Variants in CAPRIN2 observed in about 807,000 individuals in gnomAD.
The protein encoded by CAPRIN2 is caprin family member 2.
A neutral mutation model predicts 130.4 loss-of-function variants in CAPRIN2; 66 were observed. The observed-to-expected ratio is 0.51, with a 90% CI of 0.42 to 0.62. CAPRIN2 has a LOEUF of 0.62. CAPRIN2 is among the 20% of genes least tolerant of loss of function. CAPRIN2 has a pLI of 0.00. For missense variants in CAPRIN2, 1,185 were observed against 1,246.6 expected, an observed-to-expected ratio of 0.95 and a Z score of 0.74; for synonymous variants, 471 against 444.1, an observed-to-expected ratio of 1.06 and a Z score of -0.76.
chr12:30,710,212 T>C lies in CAPRIN2; in HGVS notation c.2924A>G (p.Asn975Ser). ...CTGAAGATCAAAAGTTTCTCCTAAG[T>C]TGTTCAGAAGAAGATCAAACACAAT... Residue 975 changes from asparagine to serine, a missense_variant, in exon 17 of 17, where the codon AAC becomes AGC. This residue lies in a region of CAPRIN2 where 81 missense variants were observed against 142.2 expected (regional missense o/e 0.57). Transcript: ENST00000298892. The surrounding 1 kb of genome is among the most constrained non-coding windows in gnomAD (Gnocchi z 4.8). 1.9e-6 allele frequency: 3 copies of C among 1,614,172 alleles called. No homozygotes were observed. The highest frequency in any genetic ancestry group is 2.5e-6 in the Non-Finnish European group (3 of 1,180,032).
intron 12 of CAPRIN2, chr12:30,719,441 G>T: frequency 1.9e-6 from 1 of 534,106 alleles, no homozygotes; most frequent in Non-Finnish European, 3.3e-6. Context: ...AAGTGAAAGA[G>T]TCTTACCAAT....
chr12:30,722,761 T>C (rs533428544), intron 11 of CAPRIN2, among the ~76,000 whole-genome samples: 3 of 151,846 alleles, frequency 2.0e-5, no homozygotes, highest in African/African-American at 4.8e-5. Flanking sequence ...ATTAGGCAGG[T>C]GTGGTGGCAG....
At chr12:30,733,817 G>A in intron 4 of CAPRIN2, 106 bp from the exon 6 acceptor site, 1 of 754,996 alleles carries the variant, frequency 1.3e-6, no homozygotes, top group Non-Finnish European at 2.3e-6. Flanking sequence ...ACATTCAAAT[G>A]TTAATTTTGT....
chr12:30,723,396 A>G (rs2059978014), intron 10 of CAPRIN2, 82 bp from the exon 12 acceptor site: 1 of 933,356 alleles, frequency 1.1e-6, no homozygotes, highest in South Asian at 1.4e-5. Context: ...TAAAGTTTAC[A>G]CTTCACAAAA....
intron 1 of CAPRIN2, among the ~76,000 whole-genome samples, chr12:30,753,086 A>G (rs911855346): frequency 3.9e-5 from 6 of 152,256 alleles, no homozygotes. Flanking sequence ...AATTAATCTC[A>G]CCTAAAATAG....
At chr12:30,731,191 T>C (rs1399210400) in intron 6 of CAPRIN2, 152 bp downstream of exon 7, 3 of 509,000 alleles carry the variant, frequency 5.9e-6, no homozygotes, top group Non-Finnish European at 1.0e-5. Flanking sequence ...TAGAGATGTT[T>C]TATAAACCTA....
At chr12:30,713,008 C>T (rs774146439) in intron 15 of CAPRIN2, among the ~76,000 whole-genome samples, 2 of 152,180 alleles carry the variant, frequency 1.3e-5, no homozygotes, top group Non-Finnish European at 2.9e-5. Context: ...TCCCAAAGTG[C>T]TGGGATTACA....
chr12:30,711,801 G>T, intron 15 of CAPRIN2, 172 bp from the exon 18 acceptor site: 1 of 699,542 alleles, frequency 1.4e-6, no homozygotes, highest in South Asian at 1.5e-5. Flanking sequence ...AACAAAGCAA[G>T]GGCAACAGTG....
At chr12:30,754,142 G>A (rs1592384857) in exon 1 of CAPRIN2, 1 of 187,956 alleles carries the variant, frequency 5.3e-6, no homozygotes, top group Non-Finnish European at 1.1e-5. Context: ...TTCCCCGATT[G>A]CTCTGGGGCC....
chr12:30,747,631 C>T (rs1425499350), intron 2 of CAPRIN2, among the ~76,000 whole-genome samples: 1 of 151,126 alleles, frequency 6.6e-6, no homozygotes, highest in Non-Finnish European at 1.5e-5. Context: ...GAGCCGAGAT[C>T]GTGCCATTGT....
intron 3 of CAPRIN2, among the ~76,000 whole-genome samples, chr12:30,736,810 G>A (rs1249196148): frequency 1.3e-5 from 2 of 152,070 alleles, no homozygotes; most frequent in Non-Finnish European, 2.9e-5. Context: ...AAAAGAGGAC[G>A]GAGGTGGCAC....
chr12:30,722,547 C>T (rs945446736), intron 11 of CAPRIN2, among the ~76,000 whole-genome samples: 1 of 144,846 alleles, frequency 6.9e-6, no homozygotes, highest in Non-Finnish European at 1.5e-5. Context: ...TTAGTAAAAG[C>T]AGTCAGTGAA....
intron 2 of CAPRIN2, among the ~76,000 whole-genome samples, chr12:30,743,392 G>T (rs983107401): frequency 6.6e-6 from 1 of 152,058 alleles, no homozygotes; most frequent in Non-Finnish European, 1.5e-5. Flanking sequence ...CCTGGATTCC[G>T]TTTCTACCAT....
chr12:30,729,430 A>G, intron 7 of CAPRIN2, 105 bp from the exon 9 acceptor site: 1 of 724,382 alleles, frequency 1.4e-6, no homozygotes, highest in Non-Finnish European at 2.1e-6. Context: ...AAGTTGTTGC[A>G]CTAATATTAA....
chr12:30,741,442 C>T (rs1450518946), intron 2 of CAPRIN2, among the ~76,000 whole-genome samples: 1 of 152,060 alleles, frequency 6.6e-6, no homozygotes, highest in Non-Finnish European at 1.5e-5. Context: ...TCATTCACTA[C>T]TCAAACATAT....
chr12:30,714,787 T>A (rs2136510836), intron 14 of CAPRIN2, 172 bp downstream of exon 16: 1 of 452,758 alleles, frequency 2.2e-6, no homozygotes, highest in East Asian at 3.1e-5. Flanking sequence ...AGAAAATTAG[T>A]TCCTCTGTTA....
intron 6 of CAPRIN2, among the ~76,000 whole-genome samples, chr12:30,730,820 G>A (rs1285313092): frequency 1.3e-5 from 2 of 152,148 alleles, no homozygotes; most frequent in Admixed American, 1.3e-4. Context: ...CTGAGAAGAG[G>A]TATTTCTTTA....
intron 14 of CAPRIN2, among the ~76,000 whole-genome samples, chr12:30,714,667 TAAGTC>T (rs2056819703): frequency 6.6e-6 from 1 of 152,174 alleles, no homozygotes; most frequent in South Asian, 2.1e-4. Context: ...TTAGCAGAGT[TAAGTC>T]AACAAAAGAA....
intron 2 of CAPRIN2, among the ~76,000 whole-genome samples, chr12:30,742,168 G>A (rs908437796): frequency 2.6e-5 from 4 of 152,044 alleles, no homozygotes; most frequent in South Asian, 2.1e-4. Flanking sequence ...CTACCAGTTC[G>A]ATAACTCTAC....
Sources: gnomAD v4.1 joint callset for allele counts (sites outside exome capture counted in the v4.1 genomes callset) on GRCh38, gnomAD v4.1.1 for gene constraint, gnomAD v4.1.1 regional missense constraint, Gnocchi (gnomAD v3.1) non-coding constraint, MANE v1.5 for transcripts, NCBI Gene and HGNC (gene_info 2026-07-23, HGNC 2026-07-21) for gene names.